Variants in RAB3B observed in about 807,000 individuals in gnomAD.
The protein encoded by RAB3B is RAB3B, member RAS oncogene family.
RAB3B carries 11 observed loss-of-function variants against 20.5 expected under a neutral mutation model. That is an observed-to-expected ratio of 0.54 (90% confidence interval 0.34 to 0.89). RAB3B has a LOEUF of 0.89. Ranked by LOEUF, RAB3B falls within the 40% of genes least tolerant of loss-of-function variation. RAB3B has a pLI of 0.02. For missense variants in RAB3B, 225 were observed against 280.9 expected, an observed-to-expected ratio of 0.80 and a Z score of 1.42; for synonymous variants, 99 against 106.3, an observed-to-expected ratio of 0.93 and a Z score of 0.42.
intron 2 of RAB3B, among the ~76,000 whole-genome samples, chr1:51,945,983 A>G (rs1041954859): frequency 6.6e-6 from 1 of 152,246 alleles, no homozygotes; most frequent in African/African-American, 2.4e-5. Context: ...GGTTTTCATA[A>G]TATGATATTT....
At chr1:51,972,429 T>G (rs978987022) in intron 2 of RAB3B, among the ~76,000 whole-genome samples, 8 of 152,138 alleles carry the variant, frequency 5.3e-5, no homozygotes, top group African/African-American at 1.9e-4. Context: ...AAAATGTGTA[T>G]GTTGAAGCCC....
intron 4 of RAB3B, among the ~76,000 whole-genome samples, chr1:51,923,527 C>A (rs1270199875): frequency 6.6e-6 from 1 of 152,006 alleles, no homozygotes; most frequent in Non-Finnish European, 1.5e-5. Context: ...ACCAGCCTGG[C>A]CAACATGGTG....
intron 2 of RAB3B, among the ~76,000 whole-genome samples, chr1:51,958,857 A>G (rs1024248168): frequency 2.0e-5 from 3 of 152,260 alleles, no homozygotes; most frequent in Admixed American, 2.0e-4. Flanking sequence ...ATCTGAGGCC[A>G]AGAGAGAGAT....
Position 51,980,799 on chromosome 1 carries a change from AC to A in RAB3B, c.1-3683del, listed in dbSNP as rs1238562151. On this transcript the variant is annotated intron_variant, in intron 1 of 4. Coordinates refer to ENST00000371655, the MANE Select transcript of RAB3B (RefSeq NM_002867.4). ...TTAGACCTGTAGGTGCTGCCCCACGACCCCCACCAAAGCCCATGTAAGGAGC... is the reference window on the plus strand; with the variant it reads ...TTAGACCTGTAGGTGCTGCCCCACGACCCCACCAAAGCCCATGTAAGGAGC... The A allele has an allele frequency of 8.4e-5, 63 of 747,640 alleles. 1 individual carries two copies. In the Admixed American group the frequency reaches 1.1e-3, roughly 13 times the overall value. The allele number at this position is 747,640 out of a possible 1,614,324, so 46.3% of individuals were successfully genotyped here. A position where few individuals can be genotyped will look rare whatever the true frequency, so the allele number is the denominator to read the frequency against.
intron 2 of RAB3B, among the ~76,000 whole-genome samples, chr1:51,976,297 T>C (rs929904835): frequency 3.3e-5 from 5 of 151,936 alleles, no homozygotes; most frequent in African/African-American, 1.2e-4. Flanking sequence ...TCCCAAGTAA[T>C]GGGGACTACA....
chr1:51,952,200 A>T (rs1013508636), intron 2 of RAB3B, among the ~76,000 whole-genome samples: 2 of 152,196 alleles, frequency 1.3e-5, no homozygotes, highest in Non-Finnish European at 2.9e-5. Context: ...GTCTAGTGGG[A>T]AAGTTAGACA....
intron 2 of RAB3B, among the ~76,000 whole-genome samples, chr1:51,949,639 G>T (rs938408525): frequency 1.3e-5 from 2 of 152,224 alleles, no homozygotes; most frequent in Admixed American, 1.3e-4. Context: ...CCAGGCAGGG[G>T]TGCCTGCAAC....
intron 2 of RAB3B, among the ~76,000 whole-genome samples, chr1:51,966,168 T>C (rs1193610210): frequency 6.6e-6 from 1 of 152,220 alleles, no homozygotes; most frequent in Non-Finnish European, 1.5e-5. Flanking sequence ...CTCTTGCAAA[T>C]GTCATTTCTT....
chr1:51,931,601 G>A (rs1684324490), intron 4 of RAB3B, among the ~76,000 whole-genome samples: 1 of 152,136 alleles, frequency 6.6e-6, no homozygotes, highest in African/African-American at 2.4e-5. Flanking sequence ...AGGCACAGTA[G>A]GCACAAAGAC....
At chr1:51,941,684 A>C (rs915235460) in intron 2 of RAB3B, among the ~76,000 whole-genome samples, 3 of 152,244 alleles carry the variant, frequency 2.0e-5, no homozygotes, top group African/African-American at 7.2e-5. Flanking sequence ...ATAAAACAAA[A>C]CCTGCATCTA....
chr1:51,987,155 G>A (rs1338657005), intron 1 of RAB3B, among the ~76,000 whole-genome samples: 1 of 152,142 alleles, frequency 6.6e-6, no homozygotes, highest in Non-Finnish European at 1.5e-5. Context: ...AGCACCTAAG[G>A]AAGAAGCCAA....
chr1:51,935,065 T>C (rs1364658613), intron 3 of RAB3B, among the ~76,000 whole-genome samples: 1 of 152,100 alleles, frequency 6.6e-6, no homozygotes, highest in Non-Finnish European at 1.5e-5. Flanking sequence ...GGCCTATTCA[T>C]CTTTGGGATG....
At chr1:51,989,101 G>GCACACA (rs1553232373) in intron 1 of RAB3B, among the ~76,000 whole-genome samples, 6 of 24,046 alleles carry the variant, frequency 2.5e-4, no homozygotes, top group African/African-American at 4.3e-4. Flanking sequence ...ACCTGTGCGC[G>GCACACA]CGCACACACA....
intron 2 of RAB3B, among the ~76,000 whole-genome samples, chr1:51,953,161 G>A (rs1170748431): frequency 5.3e-5 from 8 of 152,160 alleles, no homozygotes; most frequent in African/African-American, 1.9e-4. Context: ...GCTTTGGCAT[G>A]GACAAATTTA....
chr1:51,965,721 G>A (rs1167169), intron 2 of RAB3B, among the ~76,000 whole-genome samples: 9,040 of 151,968 alleles, frequency 0.059, 320 homozygotes, highest in Middle Eastern at 0.1. Context: ...AATGCAATAC[G>A]GTATCTTGGA....
rs1299363831 is a variant in RAB3B, at chr1:51,912,599, A to G, written c.*7328T>C. ...TATATATATATATATATATATATAT[A>G]TAAAAAATGTTACTCCTGTGAGACA... On this transcript the variant is annotated 3_prime_UTR_variant, in exon 5 of 5. Transcript: ENST00000371655. The G allele has an allele frequency of 1.9e-3, 68 of 36,742 alleles. 8 individuals carry two copies. Among genetic ancestry groups the G allele is most frequent in the Non-Finnish European group, 3.0e-3 (56 of 18,530 alleles). 2.3% of individuals were successfully genotyped at this position (36,742 alleles called of 1,614,324 possible). A position where few individuals can be genotyped will look rare whatever the true frequency, so the allele number is the denominator to read the frequency against.
At chr1:51,960,864 T>G (rs1174824306) in intron 2 of RAB3B, among the ~76,000 whole-genome samples, 1 of 152,152 alleles carries the variant, frequency 6.6e-6, no homozygotes, top group African/African-American at 2.4e-5. Context: ...AGAAACCTCA[T>G]GAGCTAATCC....
Position 51,937,649 on chromosome 1 carries a change from C to T in RAB3B, c.229-237G>A, listed in dbSNP as rs988760220. 3.9e-5 allele frequency among the ~76,000 whole-genome samples: 6 copies of T among 152,172 alleles called. No homozygotes were observed. The South Asian group carries it at 1.0e-3, about 26-fold the overall frequency. On this transcript the variant is annotated intron_variant, in intron 2 of 4. Coordinates refer to ENST00000371655, the MANE Select transcript of RAB3B (RefSeq NM_002867.4). Reference sequence around the variant, plus strand: ...AGTGGCTGGGATTACAAGCATGCACCACCATGCCCAGCTAATTTTGTATTT... The same window carrying T: ...AGTGGCTGGGATTACAAGCATGCACTACCATGCCCAGCTAATTTTGTATTT...
chr1:51,933,242 C>A, intron 4 of RAB3B, 76 bp downstream of exon 4: 1 of 1,493,902 alleles, frequency 6.7e-7, no homozygotes, highest in South Asian at 1.2e-5. Context: ...TACAAACACA[C>A]TCGTACCCTG....
Sources: allele counts gnomAD v4.1 joint callset (sites outside exome capture counted in the v4.1 genomes callset), GRCh38; gene constraint gnomAD v4.1.1; transcripts MANE v1.5; gene names NCBI Gene and HGNC (gene_info 2026-07-23, HGNC 2026-07-21).